Variants in CXADR observed in about 807,000 individuals in gnomAD.
CXADR encodes the protein coxsackievirus and adenovirus receptor.
CXADR carries 20 observed loss-of-function variants against 40.3 expected under a neutral mutation model. That is an observed-to-expected ratio of 0.50 (90% confidence interval 0.35 to 0.72). The LOEUF (loss-of-function observed/expected upper bound fraction) is 0.72. CXADR is among the 30% of genes least tolerant of loss of function. The probability of loss-of-function intolerance (pLI) is 0.01; values close to 1 mark genes in which losing one functional copy is unlikely to be tolerated. For synonymous variants in CXADR, 150 were observed against 161.3 expected (o/e 0.93, Z 0.53); for missense variants, 332 against 449.1 (o/e 0.74, Z 2.36).
intron 1 of CXADR, chr21:17,543,061 A>AT: frequency 5.7e-6 from 2 of 347,884 alleles, no homozygotes; most frequent in Non-Finnish European, 1.1e-5. Context: ...GGCTTTAACC[A>AT]TTTTTTGAAA....
exon 8 of CXADR, chr21:17,593,311 G>GAACA (rs1473579340): frequency 1.3e-5 from 12 of 918,122 alleles, no homozygotes; most frequent in Non-Finnish European, 1.7e-5. Flanking sequence ...GCAGCTGTAA[G>GAACA]AACACATCTA....
At chr21:17,514,708 A>G (rs1283310595) in intron 1 of CXADR, among the ~76,000 whole-genome samples, 2 of 151,090 alleles carry the variant, frequency 1.3e-5, no homozygotes, top group African/African-American at 2.4e-5. Context: ...ATCTTGGCTC[A>G]CCACAACCTC....
At chr21:17,561,062 T>G (rs574236728) in intron 5 of CXADR, among the ~76,000 whole-genome samples, 6 of 152,320 alleles carry the variant, frequency 3.9e-5, no homozygotes, top group African/African-American at 1.4e-4. Flanking sequence ...TTAGCTGTTA[T>G]AAGTATGAGT....
chr21:17,594,692 A>C (rs2061481647), downstream of CXADR, among the ~76,000 whole-genome samples: 3 of 152,168 alleles, frequency 2.0e-5, no homozygotes, highest in Non-Finnish European at 4.4e-5. Context: ...GAGGCTTTTA[A>C]ATACAAAACA....
the CXADR span, among the ~76,000 whole-genome samples, chr21:17,622,795 T>A: frequency 5.3e-5 from 8 of 152,174 alleles, no homozygotes; most frequent in Non-Finnish European, 1.0e-4. Flanking sequence ...TAGGAGAGAA[T>A]AATTCTTCTC....
the CXADR span, chr21:17,608,837 T>C: frequency 2.3e-6 from 2 of 861,568 alleles, no homozygotes; most frequent in South Asian, 2.8e-5. Flanking sequence ...AAGGAGAAAA[T>C]ATACAAACAC....
intron 3 of CXADR, among the ~76,000 whole-genome samples, chr21:17,554,164 A>G (rs2061004817): frequency 1.3e-5 from 2 of 152,214 alleles, no homozygotes; most frequent in South Asian, 2.1e-4. Flanking sequence ...GTTGTGGACA[A>G]GCATGTTTGT....
chr21:17,593,023 A>G (rs1569166302), intron 7 of CXADR: 1 of 788,870 alleles, frequency 1.3e-6, no homozygotes, highest in Non-Finnish European at 1.7e-6. Flanking sequence ...TGGTAAGTCA[A>G]ATAATTTAAG....
At chr21:17,525,994 A>G (rs1339860483) in intron 1 of CXADR, among the ~76,000 whole-genome samples, 1 of 152,242 alleles carries the variant, frequency 6.6e-6, no homozygotes, top group African/African-American at 2.4e-5. Context: ...CAATACATAC[A>G]AAATATGCTT....
At chr21:17,619,255 C>T in the CXADR span, among the ~76,000 whole-genome samples, 1 of 152,162 alleles carries the variant, frequency 6.6e-6, no homozygotes, top group Non-Finnish European at 1.5e-5. Context: ...CGCAATGCCT[C>T]AAGCCTGTAA....
At chr21:17,636,147 C>CA in the CXADR span, among the ~76,000 whole-genome samples, 1 of 152,140 alleles carries the variant, frequency 6.6e-6, no homozygotes, top group Admixed American at 6.5e-5. Flanking sequence ...TGTACCCTGC[C>CA]ACTGAACTAA....
chr21:17,518,977 A>G, intron 1 of CXADR: 1 of 1,608,872 alleles, frequency 6.2e-7, no homozygotes, highest in South Asian at 1.1e-5. Flanking sequence ...AAGTTTGGCT[A>G]ACTTTTCTTG....
At chr21:17,632,100 C>A in the CXADR span, among the ~76,000 whole-genome samples, 9 of 152,216 alleles carry the variant, frequency 5.9e-5, no homozygotes, top group Non-Finnish European at 1.0e-4. Context: ...GTGTGAGCCA[C>A]TGCACCCAGC....
In CXADR at chr21:17,586,106, C is replaced by T. The variant is rs1047775024; in HGVS notation, c.1018-7046C>T. Among the ~76,000 whole-genome samples, 5 of 152,146 alleles carry T rather than the reference C, an allele frequency of 3.3e-5. No individual in the cohort carries two copies. The South Asian group carries it at 1.0e-3, about 32-fold the overall frequency. ...TTTTTATAGGCGATTTATTCCTTTT[C>T]ATCTGGTCTAAATATGGTCTCAATT... On this transcript the variant is annotated intron_variant, in intron 7 of 7. Coordinates refer to the CXADR transcript ENST00000400169.
chr21:17,594,232 G>A (rs756169731), downstream of CXADR: 22 of 1,613,232 alleles, frequency 1.4e-5, no homozygotes, highest in Non-Finnish European at 1.8e-5. Flanking sequence ...TGGAACAGGA[G>A]GAGGATAGTG....
chr21:17,577,094 G>T (rs1027956475), intron 7 of CXADR, among the ~76,000 whole-genome samples: 1 of 151,882 alleles, frequency 6.6e-6, no homozygotes. Context: ...CAAAATACCT[G>T]CCAGTAACGA....
chr21:17,538,976 T>A (rs773938903), intron 1 of CXADR, among the ~76,000 whole-genome samples: 31 of 152,094 alleles, frequency 2.0e-4, no homozygotes, highest in Non-Finnish European at 3.8e-4. Context: ...GTAAAAATGG[T>A]TGGATTTGGA....
the CXADR span, among the ~76,000 whole-genome samples, chr21:17,603,262 T>C: frequency 6.6e-6 from 1 of 152,228 alleles, no homozygotes; most frequent in Non-Finnish European, 1.5e-5. Flanking sequence ...GAAACTAGCC[T>C]AAAGCAGGTC....
chr21:17,525,255 A>G (rs1388964120), intron 1 of CXADR, among the ~76,000 whole-genome samples: 3 of 152,234 alleles, frequency 2.0e-5, no homozygotes, highest in Admixed American at 6.5e-5. Context: ...TGGAATGGGA[A>G]TGGTTTTAAT....
Sources: allele counts gnomAD v4.1 joint callset (sites outside exome capture counted in the v4.1 genomes callset), GRCh38; gene constraint gnomAD v4.1.1; transcripts MANE v1.5; gene names NCBI Gene and HGNC (gene_info 2026-07-23, HGNC 2026-07-21).